The following GOT1 variants were observed in gnomAD, a reference collection of about 807,000 sequenced individuals.
GOT1 encodes the protein aspartate aminotransferase, cytoplasmic.
Under a neutral mutation model 48.2 loss-of-function variants are expected in GOT1, and 25 were observed. That is an observed-to-expected ratio of 0.52 (90% CI 0.38 to 0.72). GOT1 has a LOEUF of 0.72. GOT1 is among the 30% of genes least tolerant of loss of function. The pLI, the probability that GOT1 is intolerant of heterozygous loss-of-function variation, is 0.00. For synonymous variants in GOT1, 188 were observed against 193.8 expected (o/e 0.97, Z 0.25); for missense variants, 380 against 520.1 (o/e 0.73, Z 2.62).
intron 7 of GOT1, 145 bp from the exon 8 acceptor site, chr10:99,402,867 T>C: frequency 1.5e-6 from 1 of 660,542 alleles, no homozygotes; most frequent in Non-Finnish European, 2.6e-6. Context: ...TCTGGATGGG[T>C]GGATTAACAT....
At chr10:99,430,301 A>G (rs561821150) in intron 1 of GOT1, 147 bp downstream of exon 1, 2 of 1,586,098 alleles carry the variant, frequency 1.3e-6, no homozygotes, top group South Asian at 2.2e-5. Flanking sequence ...GGTTTTAGGA[A>G]GCCTTCGTGG....
intron 2 of GOT1, among the ~76,000 whole-genome samples, chr10:99,411,332 T>C (rs755551315): frequency 2.0e-5 from 3 of 152,192 alleles, no homozygotes; most frequent in Non-Finnish European, 4.4e-5. Context: ...TCCTAAGATC[T>C]GAAAGTGGAA....
At chr10:99,426,116 A>C (rs1478469750) in intron 1 of GOT1, among the ~76,000 whole-genome samples, 2 of 152,130 alleles carry the variant, frequency 1.3e-5, no homozygotes, top group Non-Finnish European at 2.9e-5. Context: ...TATTAAGTTC[A>C]TGGATCCATG....
chr10:99,413,236 A>T (rs1032854654), intron 2 of GOT1, among the ~76,000 whole-genome samples: 3 of 152,228 alleles, frequency 2.0e-5, no homozygotes, highest in Admixed American at 1.3e-4. Context: ...AATGCAGAGA[A>T]GTACTTAAAG....
At chr10:99,426,258 C>A (rs192648541) in intron 1 of GOT1, among the ~76,000 whole-genome samples, 20 of 152,240 alleles carry the variant, frequency 1.3e-4, no homozygotes, top group Admixed American at 1.3e-3. Context: ...GACATAAACC[C>A]TTTTAGGGGA....
At chr10:99,409,394 G>T (rs1287661257) in intron 2 of GOT1, among the ~76,000 whole-genome samples, 2 of 152,124 alleles carry the variant, frequency 1.3e-5, no homozygotes, top group Non-Finnish European at 2.9e-5. Flanking sequence ...GCTTCCCAAA[G>T]TACTGGGATT....
intron 2 of GOT1, among the ~76,000 whole-genome samples, chr10:99,412,376 G>T (rs1025151890): frequency 2.0e-5 from 3 of 151,886 alleles, no homozygotes; most frequent in African/African-American, 7.3e-5. Context: ...TGAGTAGCTT[G>T]TTTTGCCAAG....
At chr10:99,430,061 CTT>C (rs2033096283) in intron 1 of GOT1, among the ~76,000 whole-genome samples, 1 of 152,178 alleles carries the variant, frequency 6.6e-6, no homozygotes, top group Non-Finnish European at 1.5e-5. Context: ...AAAAGTTCTC[CTT>C]TACCCATTTC....
At chr10:99,407,556 C>T (rs2032776760) in intron 2 of GOT1, among the ~76,000 whole-genome samples, 1 of 151,878 alleles carries the variant, frequency 6.6e-6, no homozygotes, top group Non-Finnish European at 1.5e-5. Context: ...CCTCAGCCTC[C>T]CGAGTAGCTG....
At chr10:99,421,787 A>G (rs967150625) in intron 1 of GOT1, among the ~76,000 whole-genome samples, 1 of 152,054 alleles carries the variant, frequency 6.6e-6, no homozygotes, top group African/African-American at 2.4e-5. Context: ...ACACTTACGC[A>G]AGTGATTTTG....
intron 2 of GOT1, among the ~76,000 whole-genome samples, chr10:99,408,467 A>G (rs2032789640): frequency 6.6e-6 from 1 of 152,236 alleles, no homozygotes; most frequent in Non-Finnish European, 1.5e-5. Flanking sequence ...CTGTAATCCC[A>G]GCACTTTGGG....
intron 1 of GOT1, 126 bp from the exon 2 acceptor site, chr10:99,420,931 G>A: frequency 1.3e-6 from 1 of 790,150 alleles, no homozygotes; most frequent in Admixed American, 2.7e-5. Context: ...GGAAATTGGA[G>A]AAAAGTTTGT....
intron 8 of GOT1, among the ~76,000 whole-genome samples, chr10:99,399,226 T>C (rs1218885060): frequency 6.6e-6 from 1 of 151,836 alleles, no homozygotes; most frequent in Non-Finnish European, 1.5e-5. Context: ...TAACTGAGAG[T>C]GTGATGCCTT....
At chr10:99,425,642 G>A (rs900119852) in intron 1 of GOT1, among the ~76,000 whole-genome samples, 1 of 152,200 alleles carries the variant, frequency 6.6e-6, no homozygotes, top group Non-Finnish European at 1.5e-5. Context: ...CAAATAAAAA[G>A]ACAGGGGATT....
chr10:99,403,733 C>T lies in GOT1; in HGVS notation c.784G>A (p.Gly262Arg), dbSNP rs1375541960. The T allele has an allele frequency of 1.9e-6, 3 of 1,614,114 alleles. No individual in the cohort carries two copies. The highest frequency in any genetic ancestry group is 2.5e-6 in the Non-Finnish European group (3 of 1,180,008). Reference protein sequence around the residue: ...FCAQSFSKNFGLYNERVGNLT... With the variant: ...FCAQSFSKNFRLYNERVGNLT... The stretch of plus-strand genomic sequence containing the variant: ...TCAGGAGAGCACTCACTGTAGAGCC[C>T]GAAGTTCTTGGAGAAGGACTGGGCA... Residue 262 changes from glycine to arginine, a missense_variant, in exon 6 of 9, where the codon GGG becomes AGG. Gly to Arg is a moderately radical substitution (Grantham distance 125, BLOSUM62 -2). Coordinates refer to ENST00000370508, the MANE Select transcript of GOT1 (RefSeq NM_002079.3).
Position 99,403,513 on chromosome 10 carries a change from T to G in GOT1, c.915A>C (p.Arg305=), listed in dbSNP as rs763262991. 8 of 1,614,042 alleles carry G rather than the reference T, an allele frequency of 5.0e-6. No homozygotes were observed. The highest frequency in any genetic ancestry group is 6.8e-6 in the Non-Finnish European group (8 of 1,179,994). ...TWSNPPAQGA[R]IVASTLSNPE... Reference sequence around the variant, plus strand: ...GGTTAGAGAGGGTGCTGGCCACAATTCGTGCTCCCTGGGCGGGGGGATTGG... The same window carrying G: ...GGTTAGAGAGGGTGCTGGCCACAATGCGTGCTCCCTGGGCGGGGGGATTGG... Residue 305 remains arginine, a synonymous_variant, in exon 7 of 9, where the codon CGA becomes CGC. Coordinates refer to ENST00000370508, the MANE Select transcript of GOT1 (RefSeq NM_002079.3).
intron 1 of GOT1, among the ~76,000 whole-genome samples, chr10:99,426,701 T>C (rs1430832115): frequency 6.6e-6 from 1 of 152,178 alleles, no homozygotes; most frequent in Admixed American, 6.5e-5. Flanking sequence ...TTAGAAAGCA[T>C]TGTGCTTAGC....
chr10:99,430,551 T>C lies in GOT1; in HGVS notation c.15A>G (p.Ser5=). The C allele has an allele frequency of 6.2e-7, 1 of 1,602,700 alleles. No homozygotes were observed. Among genetic ancestry groups the C allele is most frequent in the Non-Finnish European group, 8.5e-7 (1 of 1,173,852 alleles). Residue 5 remains serine (S), a synonymous_variant, in exon 1 of 9, where the codon TCA becomes TCG. Transcript: ENST00000370508. The part of the protein sequence containing the change: MAPP[S]VFAEVPQAQP... ...GGGCCTGCGGAACCTCGGCAAAGAC[T>C]GACGGAGGTGCCATATCGAGAGACT...
chr10:99,401,898 C>G (rs1223650362), intron 8 of GOT1, among the ~76,000 whole-genome samples: 1 of 151,836 alleles, frequency 6.6e-6, no homozygotes, highest in Non-Finnish European at 1.5e-5. Context: ...AGCTCTGCCT[C>G]CTGGATTCAA....
Sources: allele counts gnomAD v4.1 joint callset (sites outside exome capture counted in the v4.1 genomes callset), GRCh38; gene constraint gnomAD v4.1.1; transcripts MANE v1.5; gene names NCBI Gene and HGNC (gene_info 2026-07-23, HGNC 2026-07-21).